RUFY4: variants seen among roughly 807,000 people sequenced by gnomAD.
The protein encoded by RUFY4 is RUN and FYVE domain containing 4.
RUFY4 carries 73 observed loss-of-function variants against 69.0 expected under a neutral mutation model. The ratio of observed to expected loss-of-function variants is 1.06; its 90% CI spans 0.88 to 1.29. The LOEUF is 1.29. Ranked by LOEUF, RUFY4 falls within the 50% of genes most tolerant of loss-of-function variation. The pLI, the probability that RUFY4 is intolerant of heterozygous loss-of-function variation, is 0.00. For missense variants in RUFY4, 770 were observed against 705.6 expected, an observed-to-expected ratio of 1.09 and a Z score of -1.03; for synonymous variants, 287 against 271.8, an observed-to-expected ratio of 1.06 and a Z score of -0.55.
intron 2 of RUFY4, among the ~76,000 whole-genome samples, chr2:218,045,743 C>A (rs1896492): frequency 0.56 from 84,520 of 151,748 alleles, 25,547 homozygotes; most frequent in African/African-American, 0.78. Flanking sequence ...TCTTTTTTCT[C>A]CTTCTTTTTT....
At chr2:218,036,221 A>G (rs1327663232) in intron 2 of RUFY4, among the ~76,000 whole-genome samples, 2 of 152,158 alleles carry the variant, frequency 1.3e-5, no homozygotes, top group Non-Finnish European at 2.9e-5. Context: ...AGGCCACACC[A>G]TCATCTTCAC....
chr2:218,036,593 A>T (rs935453981), intron 2 of RUFY4, among the ~76,000 whole-genome samples: 1 of 152,230 alleles, frequency 6.6e-6, no homozygotes, highest in African/African-American at 2.4e-5. Flanking sequence ...TTTGGGTTTG[A>T]TGTGACAGAA....
exon 3 of RUFY4, chr2:218,072,375 T>C: frequency 6.5e-7 from 1 of 1,537,258 alleles, no homozygotes; most frequent in Non-Finnish European, 8.7e-7. Context: ...TGGTTCTAGT[T>C]TGACCAGAAA....
At chr2:218,056,371 G>T (rs772995671) in intron 2 of RUFY4, among the ~76,000 whole-genome samples, 15 of 151,974 alleles carry the variant, frequency 9.9e-5, no homozygotes, top group Non-Finnish European at 2.1e-4. Context: ...TAATCAGATA[G>T]AACTTGATGC....
chr2:218,045,761 G>A (rs1012640115), intron 2 of RUFY4, among the ~76,000 whole-genome samples: 1 of 151,064 alleles, frequency 6.6e-6, no homozygotes, highest in Non-Finnish European at 1.5e-5. Context: ...TTTAAAAATT[G>A]GCAAATATGT....
intron 9 of RUFY4, among the ~76,000 whole-genome samples, chr2:218,085,002 C>T (rs1452583657): frequency 6.6e-6 from 1 of 152,096 alleles, no homozygotes; most frequent in Non-Finnish European, 1.5e-5. Context: ...GAGCCAAGAT[C>T]GTGCCACTGC....
At chr2:218,075,034 G>A (rs531606549) in intron 6 of RUFY4, 59 bp from the exon 9 acceptor site, 2 of 1,441,952 alleles carry the variant, frequency 1.4e-6, no homozygotes, top group Non-Finnish European at 1.8e-6. Context: ...CTAATCTAAT[G>A]GCACCAGGTC....
At chr2:218,056,330 A>G (rs546407310) in intron 2 of RUFY4, among the ~76,000 whole-genome samples, 164 of 150,868 alleles carry the variant, frequency 1.1e-3, no homozygotes, top group Non-Finnish European at 1.1e-3. Flanking sequence ...TTAGCCCCAC[A>G]CTTCAAGATG....
At chr2:218,051,106 C>T (rs887939212) in intron 2 of RUFY4, among the ~76,000 whole-genome samples, 1 of 152,054 alleles carries the variant, frequency 6.6e-6, no homozygotes, top group African/African-American at 2.4e-5. Flanking sequence ...GACTGCTAGG[C>T]CCAAGCAATC....
rs148903625 is a variant in RUFY4 at position 218,080,123 on chromosome 2, A to C, written c.1356-2987A>C. Among the ~76,000 whole-genome samples, 88 of 152,292 alleles carry C rather than the reference A, an allele frequency of 5.8e-4. 1 individual carries two copies. Among genetic ancestry groups the C allele is most frequent in the Non-Finnish European group, 3.2e-4 (22 of 68,010 alleles). ...TTGTTGACAGGCAGGCCAGATGCAT[A>C]CGGGGTGTGGCTGAGCAGAGGAGAG... is the stretch of plus-strand genomic sequence containing the variant. On this transcript the variant is annotated intron_variant, in intron 8 of 10. Transcript: ENST00000344321.
intron 4 of RUFY4, 75 bp from the exon 7 acceptor site, chr2:218,073,168 G>A: frequency 6.6e-7 from 1 of 1,504,916 alleles, no homozygotes; most frequent in Non-Finnish European, 8.9e-7. Flanking sequence ...AGGTTGAGCT[G>A]GGGTGGGGGT....
At chr2:218,060,899 C>G (rs1218742507) in intron 3 of RUFY4, 1 of 1,103,276 alleles carries the variant, frequency 9.1e-7, no homozygotes, top group Non-Finnish European at 1.4e-6. Flanking sequence ...GGGACAGTAA[C>G]AGGAACAGGT....
In RUFY4 at chr2:218,046,809, C is replaced by G. The variant is rs554247635; in HGVS notation, c.-1158+11415C>G. 2.6e-5 allele frequency among the ~76,000 whole-genome samples: 4 copies of G among 152,202 alleles called. No homozygotes were observed. The East Asian group carries it at 7.7e-4, about 29-fold the overall frequency. On this transcript the variant is annotated intron_variant and NMD_transcript_variant, in intron 2 of 13. Coordinates refer to the RUFY4 transcript ENST00000457754. ...AATAAGTCTAATTAGTTTAACTTCC[C>G]TCTTGTTACAAGGAGATAAAATTAA... is the stretch of plus-strand genomic sequence containing the variant.
At chr2:218,049,855 T>A (rs1688906959) in intron 2 of RUFY4, among the ~76,000 whole-genome samples, 1 of 152,194 alleles carries the variant, frequency 6.6e-6, no homozygotes, top group South Asian at 2.1e-4. Flanking sequence ...GTTTGATGAA[T>A]AGATGCCTTG....
intron 6 of RUFY4, 200 bp downstream of exon 8, chr2:218,074,085 G>A: frequency 1.6e-6 from 1 of 622,604 alleles, no homozygotes. Flanking sequence ...TGGGGTGGCG[G>A]GGACACTGGG....
chr2:218,085,229 A>C (rs192972848), intron 9 of RUFY4, among the ~76,000 whole-genome samples: 89 of 152,306 alleles, frequency 5.8e-4, no homozygotes, highest in South Asian at 1.2e-3. Flanking sequence ...AAAATATACT[A>C]GTTCATCAGC....
At chr2:218,047,665 G>A (rs1043570743) in intron 2 of RUFY4, among the ~76,000 whole-genome samples, 16 of 152,058 alleles carry the variant, frequency 1.1e-4, no homozygotes, top group African/African-American at 3.1e-4. Context: ...AATATCTAGC[G>A]AAAATTAGGA....
intron 6 of RUFY4, among the ~76,000 whole-genome samples, chr2:218,074,813 A>T (rs1689585048): frequency 6.6e-6 from 1 of 152,148 alleles, no homozygotes; most frequent in Non-Finnish European, 1.5e-5. Context: ...GAACCAGATC[A>T]ATACCCAAGA....
intron 2 of RUFY4, among the ~76,000 whole-genome samples, chr2:218,051,122 A>T (rs1400531424): frequency 3.3e-5 from 5 of 152,092 alleles, no homozygotes; most frequent in African/African-American, 1.2e-4. Flanking sequence ...CAATCTTCCC[A>T]CCTCAGCCTC....
Sources: allele counts gnomAD v4.1 joint callset (sites outside exome capture counted in the v4.1 genomes callset), GRCh38; gene constraint gnomAD v4.1.1; transcripts MANE v1.5; gene names NCBI Gene and HGNC (gene_info 2026-07-23, HGNC 2026-07-21).